MFSD1: variants seen among roughly 807,000 people sequenced by gnomAD.
MFSD1 encodes the protein major facilitator superfamily domain containing 1.
MFSD1 carries 59 observed loss-of-function variants against 67.1 expected under a neutral mutation model. That is an observed-to-expected ratio of 0.88 (90% CI 0.71 to 1.09). MFSD1 has a LOEUF of 1.09. Ranked by LOEUF, MFSD1 falls within the 50% of genes least tolerant of loss-of-function variation. The pLI is 0.00. For synonymous variants in MFSD1, 213 were observed against 200.3 expected (o/e 1.06, Z -0.54); for missense variants, 552 against 566.1 (o/e 0.97, Z 0.25).
Position 158,809,171 on chromosome 3 carries a change from A to G in MFSD1, c.441-8A>G, listed in dbSNP as rs199812633. On this transcript the variant is annotated splice_polypyrimidine_tract_variant and splice_region_variant and intron_variant, in intron 5 of 15. Transcript: ENST00000415822. ...ACTTCTGGTTTTTTTTTTTTTTTCT[A>G]TTTTTAGGATTGGTGGCGAGTCCTT... 9 of 1,329,022 alleles carry G rather than the reference A, an allele frequency of 6.8e-6. No homozygotes were observed. The highest frequency in any genetic ancestry group is 5.6e-5 in the South Asian group (3 of 53,748). 82.3% of individuals were successfully genotyped at this position (1,329,022 alleles called of 1,614,324 possible). A position where few individuals can be genotyped will look rare whatever the true frequency, so the allele number is the denominator to read the frequency against.
At chr3:158,826,746 C>T (rs773345996) in intron 14 of MFSD1, among the ~76,000 whole-genome samples, 9 of 151,556 alleles carry the variant, frequency 5.9e-5, no homozygotes, top group Non-Finnish European at 1.3e-4. Flanking sequence ...CAGCTCACTG[C>T]AGCCTCAACC....
Position 158,814,081 on chromosome 3 carries a change from A to T in MFSD1, c.652+14A>T. 1 of 1,580,156 alleles carries T rather than the reference A, an allele frequency of 6.3e-7. No homozygotes were observed. Among genetic ancestry groups the T allele is most frequent in the East Asian group, 2.2e-5 (1 of 44,648 alleles). ...CACTTATGATTGGTGAGTGAATCCC[A>T]TGTCCCACATCTCTCCTCTTCTGAA... On this transcript the variant is annotated intron_variant, in intron 7 of 15. Transcript: ENST00000415822.
intron 15 of MFSD1, among the ~76,000 whole-genome samples, chr3:158,827,926 G>A (rs980911642): frequency 1.3e-5 from 1 of 79,296 alleles, no homozygotes. Flanking sequence ...GAGAGAGAGA[G>A]AGAGAGAGAG....
intron 7 of MFSD1, among the ~76,000 whole-genome samples, chr3:158,818,424 C>T (rs1404111945): frequency 6.6e-6 from 1 of 152,022 alleles, no homozygotes; most frequent in East Asian, 1.9e-4. Context: ...CCATAGTCAT[C>T]CTGCTGTGCA....
intron 3 of MFSD1, among the ~76,000 whole-genome samples, chr3:158,805,892 A>G (rs1477184301): frequency 1.3e-5 from 2 of 152,194 alleles, no homozygotes; most frequent in East Asian, 1.9e-4. Flanking sequence ...AGATGGATGT[A>G]CAGTATTTGG....
intron 13 of MFSD1, chr3:158,825,157 T>G (rs1029231848): frequency 1.3e-5 from 2 of 152,172 alleles, no homozygotes; most frequent in Non-Finnish European, 2.9e-5. Flanking sequence ...TTATTTTATT[T>G]TATTATTATT....
chr3:158,823,548 G>GTATA, intron 12 of MFSD1, 23 bp downstream of exon 12: 2 of 1,427,730 alleles, frequency 1.4e-6, no homozygotes, highest in Non-Finnish European at 2.0e-6. Flanking sequence ...GCTGTGGATC[G>GTATA]TATATGTCTG....
intron 9 of MFSD1, among the ~76,000 whole-genome samples, chr3:158,820,966 T>C (rs943822504): frequency 6.6e-6 from 1 of 152,214 alleles, no homozygotes; most frequent in Non-Finnish European, 1.5e-5. Flanking sequence ...GATTTTAGAC[T>C]AGTATTCTTT....
intron 7 of MFSD1, among the ~76,000 whole-genome samples, chr3:158,815,133 A>G (rs1012517952): frequency 6.6e-6 from 1 of 152,200 alleles, no homozygotes; most frequent in Non-Finnish European, 1.5e-5. Flanking sequence ...CAAAACGTCC[A>G]TAGCATAAGG....
At position 158,809,307 on chromosome 3, in the gene MFSD1, T is replaced by C. The variant is rs1205247589; in HGVS notation, c.549+20T>C. ...AGAATTGTAAGTATAATGAAAAGCCTGATGAAGCCAAATGGAAGCAAAAGA... is the reference window on the plus strand; with the variant it reads ...AGAATTGTAAGTATAATGAAAAGCCCGATGAAGCCAAATGGAAGCAAAAGA... On this transcript the variant is annotated intron_variant, in intron 6 of 15. Transcript: ENST00000415822. The C allele has an allele frequency of 6.8e-7, 1 of 1,480,434 alleles. No homozygotes were observed. The highest frequency in any genetic ancestry group is 9.3e-7 in the Non-Finnish European group (1 of 1,080,684). The allele number at this position is 1,480,434 out of a possible 1,614,324, so 91.7% of individuals were successfully genotyped here.
At chr3:158,820,451 T>A (rs1302281808) in intron 9 of MFSD1, 125 bp downstream of exon 9, 2 of 643,134 alleles carry the variant, frequency 3.1e-6, no homozygotes, top group African/African-American at 3.6e-5. Flanking sequence ...TCACAGGAAT[T>A]ACTTTAGATC....
At chr3:158,804,674 T>C (rs2364921) in intron 2 of MFSD1, among the ~76,000 whole-genome samples, 85,947 of 152,102 alleles carry the variant, frequency 0.57, 24,870 homozygotes, top group African/African-American at 0.69. Context: ...ACTCTCCCAG[T>C]GCTTAGTCAC....
At chr3:158,802,366 C>A (rs1199347711) in intron 1 of MFSD1, 51 bp downstream of exon 1, 1 of 1,601,970 alleles carries the variant, frequency 6.2e-7, no homozygotes. Flanking sequence ...TCCCGACTTT[C>A]TCTTCGAGGT....
chr3:158,804,695 A>G (rs1271821307), intron 2 of MFSD1, among the ~76,000 whole-genome samples: 1 of 152,208 alleles, frequency 6.6e-6, no homozygotes, highest in Non-Finnish European at 1.5e-5. Context: ...CCGAATGACA[A>G]ATGATTTGTT....
chr3:158,811,352 T>C (rs1730008901), intron 6 of MFSD1, among the ~76,000 whole-genome samples: 1 of 152,204 alleles, frequency 6.6e-6, no homozygotes, highest in African/African-American at 2.4e-5. Context: ...ATGCCTGCCA[T>C]TCATCCAAGT....
chr3:158,822,400 C>A (rs1730728598), intron 11 of MFSD1: 1 of 226,970 alleles, frequency 4.4e-6, no homozygotes, highest in East Asian at 8.5e-5. Context: ...ATAAAGTAGC[C>A]TTATAAAAGC....
chr3:158,806,993 TTTTTTC>T (rs778245927), intron 3 of MFSD1, 41 bp from the exon 4 acceptor site: 7 of 1,507,324 alleles, frequency 4.6e-6, no homozygotes, highest in South Asian at 1.2e-5. Flanking sequence ...TTAAGATTTT[TTTTTTC>T]TTTTTCTTTT....
At chr3:158,824,339 G>A (rs1730844025) in intron 13 of MFSD1, 103 bp downstream of exon 13, 2 of 785,144 alleles carry the variant, frequency 2.5e-6, no homozygotes, top group Non-Finnish European at 4.2e-6. Flanking sequence ...TCTCACCTGT[G>A]AATTAGAATT....
intron 1 of MFSD1, among the ~76,000 whole-genome samples, chr3:158,803,968 T>C (rs1422186019): frequency 6.6e-6 from 1 of 152,206 alleles, no homozygotes; most frequent in African/African-American, 2.4e-5. Context: ...GTTTTTAGTG[T>C]ATGTGTGTTT....
Sources: allele counts gnomAD v4.1 joint callset (sites outside exome capture counted in the v4.1 genomes callset), GRCh38; gene constraint gnomAD v4.1.1; transcripts MANE v1.5; gene names NCBI Gene and HGNC (gene_info 2026-07-23, HGNC 2026-07-21).